Variants in RABGEF1 observed in about 807,000 individuals in gnomAD.
RABGEF1 encodes RAB guanine nucleotide exchange factor 1.
A neutral mutation model predicts 57.3 loss-of-function variants in RABGEF1; 26 were observed. That is an observed-to-expected ratio of 0.45 (90% CI 0.33 to 0.63). The LOEUF is 0.63. Ranked by LOEUF, RABGEF1 falls within the 20% of genes least tolerant of loss-of-function variation. The probability of loss-of-function intolerance (pLI) is 0.02; values close to 1 mark genes in which losing one functional copy is unlikely to be tolerated. For missense variants in RABGEF1, 464 were observed against 607.6 expected (o/e 0.76, Z 2.48); for synonymous variants, 185 against 210.7 (o/e 0.88, Z 1.06).
At chr7:66,726,936 G>A (rs1449862313) in intron 2 of RABGEF1, among the ~76,000 whole-genome samples, 4 of 152,114 alleles carry the variant, frequency 2.6e-5, no homozygotes, top group African/African-American at 4.8e-5. Flanking sequence ...CCCAGGAAGC[G>A]GAGATTGCAG....
chr7:66,781,082 G>A (rs1405911081), intron 3 of RABGEF1, among the ~76,000 whole-genome samples: 2 of 152,002 alleles, frequency 1.3e-5, no homozygotes, highest in Non-Finnish European at 2.9e-5. Flanking sequence ...CTTGCTGTTT[G>A]TATTTATCCC....
chr7:66,755,710 G>T (rs535736893), intron 1 of RABGEF1, among the ~76,000 whole-genome samples: 1 of 152,182 alleles, frequency 6.6e-6, no homozygotes, highest in African/African-American at 2.4e-5. Flanking sequence ...CTGTTATTCC[G>T]GAGAATGGCA....
upstream of RABGEF1, chr7:66,740,702 G>A (rs1323521814): frequency 1.3e-5 from 2 of 152,684 alleles, no homozygotes; most frequent in Non-Finnish European, 2.9e-5. Flanking sequence ...GCAGGAGGGT[G>A]GGTGTGAGGC....
At chr7:66,740,367 T>C, upstream of RABGEF1, 1 of 152,312 alleles carries the variant, frequency 6.6e-6, no homozygotes, top group Non-Finnish European at 1.5e-5. Flanking sequence ...CCGCTCCACC[T>C]CCCATTCGCG....
intron 2 of RABGEF1, among the ~76,000 whole-genome samples, chr7:66,727,997 A>G (rs1796782440): frequency 6.6e-6 from 1 of 152,122 alleles, no homozygotes; most frequent in Admixed American, 6.5e-5. Flanking sequence ...AGCTCTCCAC[A>G]GGCCAAACCA....
At chr7:66,799,818 A>G (rs1438525716) in intron 7 of RABGEF1, among the ~76,000 whole-genome samples, 1 of 152,172 alleles carries the variant, frequency 6.6e-6, no homozygotes, top group Non-Finnish European at 1.5e-5. Flanking sequence ...AAGGCAAGGT[A>G]ATCCCCACGC....
At chr7:66,787,310 A>G (rs1811412927) in intron 4 of RABGEF1, among the ~76,000 whole-genome samples, 1 of 144,610 alleles carries the variant, frequency 6.9e-6, no homozygotes, top group Non-Finnish European at 1.5e-5. Context: ...TTGGGGTTAC[A>G]GAAGTGAGCC....
At chr7:66,773,959 C>G (rs892400949) in intron 2 of RABGEF1, 18 of 378,104 alleles carry the variant, frequency 4.8e-5, no homozygotes, top group African/African-American at 3.4e-4. Flanking sequence ...AGCCACTGCA[C>G]CTGGCCTGTG....
At chr7:66,670,144 G>T in the RABGEF1 span, among the ~76,000 whole-genome samples, 1 of 152,076 alleles carries the variant, frequency 6.6e-6, no homozygotes, top group Admixed American at 6.6e-5. Flanking sequence ...TAGCTCTGAG[G>T]TTCACCATGA....
At chr7:66,778,805 T>A (rs1809169843) in intron 3 of RABGEF1, among the ~76,000 whole-genome samples, 1 of 152,040 alleles carries the variant, frequency 6.6e-6, no homozygotes, top group Non-Finnish European at 1.5e-5. Context: ...CTGGGATAAT[T>A]TGAATGTCAA....
At chr7:66,797,856 C>T (rs1363104387) in intron 6 of RABGEF1, among the ~76,000 whole-genome samples, 1 of 152,154 alleles carries the variant, frequency 6.6e-6, no homozygotes, top group Non-Finnish European at 1.5e-5. Flanking sequence ...TCGGCTGGGC[C>T]CGGTGGCTCA....
At chr7:66,744,082 G>A (rs181859354) in intron 1 of RABGEF1, among the ~76,000 whole-genome samples, 230 of 150,162 alleles carry the variant, frequency 1.5e-3, no homozygotes, top group African/African-American at 5.4e-3. Flanking sequence ...CTGTGACTGG[G>A]CTGGAGTGCA....
chr7:66,656,082 A>T, the RABGEF1 span, among the ~76,000 whole-genome samples: 100,083 of 151,890 alleles, frequency 0.66, 33,379 homozygotes, highest in African/African-American at 0.76. Flanking sequence ...GAGGGGAATC[A>T]AAGGAGAGGA....
At chr7:66,700,487 C>CGGAGGGGGAGGAGGTTAGTTGGGG (rs35510019) in intron 1 of RABGEF1, among the ~76,000 whole-genome samples, 1 of 137,200 alleles carries the variant, frequency 7.3e-6, no homozygotes, top group Non-Finnish European at 1.6e-5. Context: ...AAGCGGGCCC[C>CGGAGGGGGAGGAGGTTAGTTGGGG]GGAGGGGGAG....
rs1295088421 is a variant in RABGEF1 at position 66,723,759 on chromosome 7, TA to T, written c.-815+11536del. ...CCACGCCTGGCCACTTTTGTATTTT[TA>T]GTAGTGACGGGGTTTCACCATGTTG... is the stretch of plus-strand genomic sequence containing the variant. On this transcript the variant is annotated intron_variant and NMD_transcript_variant, in intron 2 of 9. Coordinates refer to the RABGEF1 transcript ENST00000607882. Among the ~76,000 whole-genome samples, 29 of 138,322 alleles carry T rather than the reference TA, an allele frequency of 2.1e-4. 2 individuals carry two copies. In the East Asian group the frequency reaches 7.0e-3, roughly 33 times the overall value. 90.7% of individuals were successfully genotyped at this position (138,322 alleles called of 152,430 possible).
chr7:66,807,639 G>A (rs1788733376), intron 8 of RABGEF1, among the ~76,000 whole-genome samples: 1 of 152,154 alleles, frequency 6.6e-6, no homozygotes, highest in Non-Finnish European at 1.5e-5. Context: ...CCCTTCAGAT[G>A]TTTGTTTCTT....
rs78067727 is a variant in RABGEF1, at chr7:66,727,840, T to A, written c.-814-12156T>A. On this transcript the variant is annotated intron_variant and NMD_transcript_variant, in intron 2 of 9. Coordinates refer to the RABGEF1 transcript ENST00000607882. ...ATGTTAACAATAGGAGAGGCATTTG[T>A]GAGCCAGAGGTGGTGGGATTCCCAG... Among the ~76,000 whole-genome samples the A allele has an allele frequency of 6.2e-4, 94 of 152,284 alleles. 1 individual carries two copies. The highest frequency in any genetic ancestry group is 5.4e-3 in the East Asian group (28 of 5,184).
rs1384750873 is a variant in RABGEF1, at chr7:66,726,651, G to A, written c.-814-13345G>A. Among the ~76,000 whole-genome samples the A allele has an allele frequency of 3.3e-5, 5 of 151,996 alleles. No individual in the cohort carries two copies. In the East Asian group the frequency reaches 7.8e-4, roughly 24 times the overall value. The stretch of plus-strand genomic sequence containing the variant: ...CAAAGTGCTGGGATTACAGGCATGA[G>A]CCACTGCACCCAGCCCAAAAAGCAG... On this transcript the variant is annotated intron_variant and NMD_transcript_variant, in intron 2 of 9. Transcript: ENST00000607882.
the RABGEF1 span, among the ~76,000 whole-genome samples, chr7:66,658,532 C>G: frequency 8.8e-6 from 1 of 114,056 alleles, no homozygotes; most frequent in African/African-American, 3.1e-5. Flanking sequence ...GACTTCGTCT[C>G]CAAAAAAAAA....
Sources: gnomAD v4.1 joint callset for allele counts (sites outside exome capture counted in the v4.1 genomes callset) on GRCh38, gnomAD v4.1.1 for gene constraint, MANE v1.5 for transcripts, NCBI Gene and HGNC (gene_info 2026-07-23, HGNC 2026-07-21) for gene names.